The following CMYA5 variants were observed in gnomAD, a reference collection of about 807,000 sequenced individuals.
The protein encoded by CMYA5 is cardiomyopathy associated 5.
CMYA5 carries 246 observed loss-of-function variants against 318.9 expected under a neutral mutation model. The ratio of observed to expected loss-of-function variants is 0.77; its 90% CI spans 0.70 to 0.86. The LOEUF (loss-of-function observed/expected upper bound fraction) is 0.86. Ranked by LOEUF, CMYA5 falls within the 40% of genes least tolerant of loss-of-function variation. The pLI, the probability that CMYA5 is intolerant of heterozygous loss-of-function variation, is 0.00. For synonymous variants in CMYA5, 1,641 were observed against 1,729.5 expected, an observed-to-expected ratio of 0.95 and a Z score of 1.27; for missense variants, 4,589 against 4,678.2, an observed-to-expected ratio of 0.98 and a Z score of 0.56.
chr5:79,762,041 T>G, intron 8 of CMYA5, 84 bp downstream of exon 8: 4 of 1,427,184 alleles, frequency 2.8e-6, no homozygotes, highest in Non-Finnish European at 2.8e-6. Context: ...AAGTGTTTAT[T>G]AAGCACCTAT....
At chr5:79,761,437 A>C (rs1031746821) in intron 7 of CMYA5, among the ~76,000 whole-genome samples, 14 of 152,212 alleles carry the variant, frequency 9.2e-5, no homozygotes, top group African/African-American at 3.4e-4. Context: ...CTTCTGAAAT[A>C]TTGGCACTGG....
In CMYA5 at chr5:79,799,426, C is replaced by CCAGAGTGG; in HGVS notation, c.12021_12028dup (p.Gly4010AlafsTer54). The CCAGAGTGG allele has an allele frequency of 6.2e-7, 1 of 1,613,946 alleles. No individual in the cohort carries two copies. Among genetic ancestry groups the CCAGAGTGG allele is most frequent in the Non-Finnish European group, 8.5e-7 (1 of 1,179,848 alleles). On this transcript the variant is annotated frameshift_variant, in exon 13 of 13. Transcript: ENST00000446378. LOFTEE classifies it high-confidence loss of function. ...GATGTTCATGTGACTGAGCGTCCAG[C>CCAGAGTGG]CAGAGTGGGCATCCTGCTGGACTAC...
At chr5:79,702,021 A>G (rs1333117675) in intron 1 of CMYA5, among the ~76,000 whole-genome samples, 3 of 152,108 alleles carry the variant, frequency 2.0e-5, no homozygotes, top group Non-Finnish European at 4.4e-5. Flanking sequence ...GGAGAATGGC[A>G]TGAACCCAGG....
intron 1 of CMYA5, among the ~76,000 whole-genome samples, chr5:79,699,794 A>G (rs1827141120): frequency 6.6e-6 from 1 of 152,246 alleles, no homozygotes; most frequent in South Asian, 2.1e-4. Context: ...GAGCATGGAC[A>G]GAGTTAACCG....
At chr5:79,788,007 C>CA (rs61626165) in intron 9 of CMYA5, among the ~76,000 whole-genome samples, 2,847 of 149,584 alleles carry the variant, frequency 0.019, 88 homozygotes, top group African/African-American at 0.064. Flanking sequence ...TCATCAATAA[C>CA]AAAAAAAAAC....
chr5:79,732,614 A>C lies in CMYA5; in HGVS notation c.3849A>C (p.Ser1283=), dbSNP rs755807969. ...KNEPEVIKPY[S]PLKETSLSGP... ...AGCCTGAAGTAATAAAACCATATTC[A>C]CCTCTAAAGGAAACATCTTTATCTG... Residue 1283 remains serine (S), a synonymous_variant, in exon 2 of 13, where the codon TCA becomes TCC. Transcript: ENST00000446378. 3.7e-6 allele frequency: 6 copies of C among 1,613,050 alleles called. No individual in the cohort carries two copies. The highest frequency in any genetic ancestry group is 1.7e-5 in the Admixed American group (1 of 59,844).
At chr5:79,784,910 A>G (rs1829055412) in intron 9 of CMYA5, among the ~76,000 whole-genome samples, 1 of 151,730 alleles carries the variant, frequency 6.6e-6, no homozygotes, top group Non-Finnish European at 1.5e-5. Context: ...TGTAGACCGG[A>G]GCTGTTCCTA....
chr5:79,795,944 C>T (rs576815815), intron 12 of CMYA5, among the ~76,000 whole-genome samples: 2 of 152,224 alleles, frequency 1.3e-5, no homozygotes, highest in East Asian at 1.9e-4. Flanking sequence ...TCAGGCCCCA[C>T]GCAGGCAGGC....
At chr5:79,797,379 A>C (rs531611321) in intron 12 of CMYA5, among the ~76,000 whole-genome samples, 11 of 152,340 alleles carry the variant, frequency 7.2e-5, no homozygotes, top group Middle Eastern at 3.4e-3. Context: ...AGGGTTATTA[A>C]AATTTACTCT....
intron 10 of CMYA5, 39 bp downstream of exon 10, chr5:79,789,143 T>G: frequency 6.2e-7 from 1 of 1,609,680 alleles, no homozygotes; most frequent in Non-Finnish European, 8.5e-7. Context: ...ATTTCCAAGC[T>G]ATTTCTTCCC....
rs1438521217 is a variant in CMYA5, at chr5:79,761,886, A to T, written c.11336A>T (p.Tyr3779Phe). 1.1e-5 allele frequency: 17 copies of T among 1,613,736 alleles called. No individual in the cohort carries two copies. Among genetic ancestry groups the T allele is most frequent in the Non-Finnish European group, 1.4e-5 (17 of 1,179,820 alleles). The change falls in exon 8 of 13, where the codon TAT becomes TTT. Residue 3779 changes from tyrosine to phenylalanine, a missense_variant. Tyr to Phe is a conservative substitution (Grantham distance 22). Transcript: ENST00000446378. Reference protein sequence around the residue: ...IFEDLEPDRCYQVWVMAVNFT... With the variant: ...IFEDLEPDRCFQVWVMAVNFT... The stretch of plus-strand genomic sequence containing the variant: ...GAAGATCTGGAACCTGACCGATGCT[A>T]TCAAGTGTGGGTGATGGCTGTGAAC...
Position 79,737,072 on chromosome 5 carries a change from A to G in CMYA5, c.8307A>G (p.Leu2769=), listed in dbSNP as rs6892274. ...EEKEQFKESE[L]WKGGSVDITK... is the part of the protein sequence containing the mutation. The stretch of plus-strand genomic sequence containing the variant: ...AAGAACAGTTCAAAGAGTCAGAGCT[A>G]TGGAAAGGTGGTTCAGTAGATATCA... The change falls in exon 2 of 13, where the codon CTA becomes CTG. Residue 2769 remains leucine (L), a synonymous_variant. Transcript: ENST00000446378. The G allele has an allele frequency of 3.0e-4, 478 of 1,613,802 alleles. 1 individual carries two copies. The African/African-American group carries it at 5.7e-3, about 19-fold the overall frequency.
In CMYA5 at chr5:79,730,141, A is replaced by C. The variant is rs752011220; in HGVS notation, c.1376A>C (p.Asp459Ala). 8.1e-6 allele frequency: 13 copies of C among 1,613,752 alleles called. No homozygotes were observed. In the Admixed American group the frequency reaches 1.2e-4, roughly 14 times the overall value. The change falls in exon 2 of 13, where the codon GAC (aspartate) becomes GCC (alanine). Residue 459 changes from aspartate (D) to alanine (A), a missense_variant. By Grantham distance (126) the Asp-to-Ala change is moderately radical. Coordinates refer to ENST00000446378, the MANE Select transcript of CMYA5 (RefSeq NM_153610.5). ...TTGGACCCAGACCAAGAACAGCCGG[A>C]CCTGACTTCAATAGAAAGGGCAGAA... The part of the protein sequence containing the change: ...DGLDPDQEQP[D>A]LTSIERAEPV...
intron 1 of CMYA5, among the ~76,000 whole-genome samples, chr5:79,725,616 A>G (rs1734761071): frequency 6.6e-6 from 1 of 152,228 alleles, no homozygotes; most frequent in African/African-American, 2.4e-5. Context: ...TAAAATAAAA[A>G]TGGAAGCAGA....
chr5:79,791,739 A>G (rs1829184664), intron 11 of CMYA5, among the ~76,000 whole-genome samples: 1 of 150,576 alleles, frequency 6.6e-6, no homozygotes, highest in African/African-American at 2.4e-5. Flanking sequence ...AAAAAGGCAT[A>G]GAAGAGAAGG....
chr5:79,703,240 A>G (rs1827207023), intron 1 of CMYA5, among the ~76,000 whole-genome samples: 1 of 152,236 alleles, frequency 6.6e-6, no homozygotes, highest in African/African-American at 2.4e-5. Context: ...AATAGAATAA[A>G]CTAGTTAATA....
intron 6 of CMYA5, 119 bp downstream of exon 6, chr5:79,752,913 A>G (rs528479133): frequency 7.7e-6 from 5 of 649,292 alleles, no homozygotes; most frequent in Middle Eastern, 7.8e-4. Context: ...TGGAAAAAGA[A>G]AAGTATTAGT....
At chr5:79,776,469 C>T (rs757743416) in intron 9 of CMYA5, among the ~76,000 whole-genome samples, 22 of 152,112 alleles carry the variant, frequency 1.4e-4, no homozygotes, top group Non-Finnish European at 2.9e-4. Flanking sequence ...TAATGTTGCT[C>T]ATGTTCTCAA....
rs1414064169 is a variant in CMYA5 at position 79,752,664 on chromosome 5, A to G, written c.10992-12A>G. The G allele has an allele frequency of 1.3e-6, 2 of 1,580,384 alleles. No homozygotes were observed. Among genetic ancestry groups the G allele is most frequent in the Non-Finnish European group, 8.7e-7 (1 of 1,151,916 alleles). On this transcript the variant is annotated splice_polypyrimidine_tract_variant and intron_variant, in intron 5 of 12. Coordinates refer to ENST00000446378, the MANE Select transcript of CMYA5 (RefSeq NM_153610.5). ...AATTTTTTAACTTATGTAGAGCTCT[A>G]TTCCCCGATAGGTTGCTTTCTGCAA...
Sources: gnomAD v4.1 joint callset for allele counts (sites outside exome capture counted in the v4.1 genomes callset) on GRCh38, gnomAD v4.1.1 for gene constraint, MANE v1.5 for transcripts, NCBI Gene and HGNC (gene_info 2026-07-23, HGNC 2026-07-21) for gene names.